Variants in IGBP1C observed in about 807,000 individuals in gnomAD.
IGBP1C encodes the protein immunoglobulin-binding protein 1 family member C.
At chr17:58,689,782 C>A in the IGBP1C span, among the ~76,000 whole-genome samples, 1 of 151,694 alleles carries the variant, frequency 6.6e-6, no homozygotes, top group East Asian at 1.9e-4. Context: ...GACTACAGAG[C>A]AAATTGCATT....
chr17:58,684,543 G>A, the IGBP1C span, among the ~76,000 whole-genome samples: 1 of 151,782 alleles, frequency 6.6e-6, no homozygotes, highest in African/African-American at 2.4e-5. Context: ...GCTGAGGCAG[G>A]AGAATCACTT....
the IGBP1C span, among the ~76,000 whole-genome samples, chr17:58,683,376 C>A: frequency 4.1e-5 from 6 of 147,830 alleles, no homozygotes; most frequent in South Asian, 2.1e-4. Flanking sequence ...CCATCCCCCC[C>A]CCCAAAAAAA....
chr17:58,667,768 C>A, the IGBP1C span, among the ~76,000 whole-genome samples: 4 of 151,924 alleles, frequency 2.6e-5, no homozygotes, highest in Non-Finnish European at 4.4e-5. Flanking sequence ...GCCTGTAATC[C>A]CAGCTACTTG....
chr17:58,674,870 C>T, the IGBP1C span, among the ~76,000 whole-genome samples: 2 of 148,320 alleles, frequency 1.3e-5, no homozygotes, highest in Non-Finnish European at 3.0e-5. Flanking sequence ...GTAGGCCGGG[C>T]ACGGTGGCTC....
the IGBP1C span, among the ~76,000 whole-genome samples, chr17:58,673,120 T>C: frequency 6.6e-6 from 1 of 152,068 alleles, no homozygotes; most frequent in East Asian, 1.9e-4. Context: ...CAAAGGGAAA[T>C]TTTGAAACTC....
chr17:58,690,148 T>G, the IGBP1C span, among the ~76,000 whole-genome samples: 1 of 149,766 alleles, frequency 6.7e-6, no homozygotes, highest in African/African-American at 2.5e-5. Flanking sequence ...TGAGTGGGGG[T>G]TTTTTTGTTT....
chr17:58,668,305 C>A, the IGBP1C span, among the ~76,000 whole-genome samples: 1 of 152,212 alleles, frequency 6.6e-6, no homozygotes, highest in African/African-American at 2.4e-5. Flanking sequence ...GGTCTCTATA[C>A]CTATCCTGAT....
the IGBP1C span, among the ~76,000 whole-genome samples, chr17:58,679,984 A>G: frequency 6.6e-6 from 1 of 152,162 alleles, no homozygotes; most frequent in East Asian, 1.9e-4. Flanking sequence ...ACTGAAATAA[A>G]ACTTAAAAAT....
the IGBP1C span, among the ~76,000 whole-genome samples, chr17:58,668,830 C>T: frequency 5.3e-5 from 8 of 152,182 alleles, no homozygotes; most frequent in Non-Finnish European, 7.3e-5. Context: ...ACCCTAACAT[C>T]CTACCCAAAG....
At chr17:58,684,506 A>T in the IGBP1C span, among the ~76,000 whole-genome samples, 1 of 151,220 alleles carries the variant, frequency 6.6e-6, no homozygotes, top group African/African-American at 2.4e-5. Context: ...GCATGGTGAC[A>T]CGTGCCTGTT....
At chr17:58,670,420 A>T in the IGBP1C span, among the ~76,000 whole-genome samples, 1 of 151,864 alleles carries the variant, frequency 6.6e-6, no homozygotes. Flanking sequence ...AACTTTGGGA[A>T]GATTAAAAAA....
the IGBP1C span, chr17:58,661,249 C>T: frequency 1.3e-6 from 1 of 796,076 alleles, no homozygotes; most frequent in East Asian, 2.4e-5. Context: ...AGTAATGGCA[C>T]TGAGTTAAGT....
the IGBP1C span, chr17:58,679,678 G>GA: frequency 6.6e-6 from 1 of 152,128 alleles, no homozygotes; most frequent in Non-Finnish European, 1.5e-5. Context: ...TATTTCCCTT[G>GA]CCAGTTAAGT....
the IGBP1C span, among the ~76,000 whole-genome samples, chr17:58,681,058 G>T: frequency 3.0e-4 from 45 of 152,166 alleles, 1 homozygote; most frequent in East Asian, 8.3e-3. Context: ...GAGGTGGGTG[G>T]ATCACCTGAG....
chr17:58,661,748 G>A, the IGBP1C span: 1 of 560,740 alleles, frequency 1.8e-6, no homozygotes. Context: ...CATAGGGGAA[G>A]GCAACGGAGT....
the IGBP1C span, among the ~76,000 whole-genome samples, chr17:58,669,343 C>T: frequency 6.6e-6 from 1 of 150,964 alleles, no homozygotes; most frequent in African/African-American, 2.4e-5. Context: ...AAGAGCGACA[C>T]TCTGTCTCAA....
At chr17:58,678,495 A>G in the IGBP1C span, among the ~76,000 whole-genome samples, 4 of 152,180 alleles carry the variant, frequency 2.6e-5, no homozygotes, top group Non-Finnish European at 5.9e-5. Context: ...CTATGCAGCC[A>G]TAAAAAAGGA....
At chr17:58,666,835 T>A in the IGBP1C span, 14 of 152,212 alleles carry the variant, frequency 9.2e-5, no homozygotes, top group African/African-American at 3.4e-4. Context: ...TATATCTTGG[T>A]GTTGGTAACA....
the IGBP1C span, among the ~76,000 whole-genome samples, chr17:58,668,404 A>C: frequency 6.6e-6 from 1 of 152,212 alleles, no homozygotes; most frequent in South Asian, 2.1e-4. Flanking sequence ...GAGGAGCTGC[A>C]GTAACTATAA....
Sources: allele counts gnomAD v4.1 joint callset (sites outside exome capture counted in the v4.1 genomes callset), GRCh38; gene constraint gnomAD v4.1.1; transcripts MANE v1.5; gene names NCBI Gene and HGNC (gene_info 2026-07-23, HGNC 2026-07-21).